Variants in ZNF474 observed in about 807,000 individuals in gnomAD.
ZNF474 encodes 4933409D10Rik.
For missense variants in ZNF474, 511 were observed against 433.8 expected (o/e 1.18, Z -1.58); for synonymous variants, 192 against 162.2 (o/e 1.18, Z -1.39).
At chr5:122,149,086 T>C (rs1170369479) in intron 1 of ZNF474, among the ~76,000 whole-genome samples, 1 of 152,124 alleles carries the variant, frequency 6.6e-6, no homozygotes, top group Non-Finnish European at 1.5e-5. Flanking sequence ...CGTTCTCACT[T>C]ATAAGTGGGA....
intron 1 of ZNF474, among the ~76,000 whole-genome samples, chr5:122,147,509 T>C (rs1415355074): frequency 6.6e-6 from 1 of 152,140 alleles, no homozygotes; most frequent in Non-Finnish European, 1.5e-5. Flanking sequence ...TTTCTCCTAA[T>C]GCTATCCCTC....
chr5:122,142,036 A>C (rs926619937), intron 1 of ZNF474, among the ~76,000 whole-genome samples: 1 of 152,160 alleles, frequency 6.6e-6, no homozygotes, highest in Non-Finnish European at 1.5e-5. Flanking sequence ...AGTGAGCTGG[A>C]ATTGTTGGCA....
At position 122,152,883 on chromosome 5, in the gene ZNF474, G is replaced by T. The variant is rs200743805; in HGVS notation, c.893G>T (p.Arg298Leu). 6.2e-7 allele frequency: 1 copy of T among 1,614,058 alleles called. No homozygotes were observed. Among genetic ancestry groups the T allele is most frequent in the African/African-American group, 1.3e-5 (1 of 75,026 alleles). The change falls in exon 2 of 2, where the codon CGC (arginine) becomes CTC (leucine). Residue 298 changes from arginine to leucine, a missense_variant. Coordinates refer to ENST00000296600, the MANE Select transcript of ZNF474 (RefSeq NM_207317.3). ...TGTAGCCGAATCTTTACCTCAGACCGCCTCCTGGTACACCAGAGAAGTTGT... is the reference window on the plus strand; with the variant it reads ...TGTAGCCGAATCTTTACCTCAGACCTCCTCCTGGTACACCAGAGAAGTTGT... ...PHCSRIFTSDRLLVHQRSCKT... is the reference protein window; with the variant it reads ...PHCSRIFTSDLLLVHQRSCKT...
intron 1 of ZNF474, among the ~76,000 whole-genome samples, chr5:122,149,764 C>T (rs1756114346): frequency 6.6e-6 from 1 of 152,108 alleles, no homozygotes; most frequent in African/African-American, 2.4e-5. Flanking sequence ...CCCTATCTGG[C>T]ATATAATTGG....
chr5:122,148,729 C>T (rs1478616559), intron 1 of ZNF474, among the ~76,000 whole-genome samples: 1 of 151,670 alleles, frequency 6.6e-6, no homozygotes, highest in African/African-American at 2.4e-5. Context: ...AAAAGTGATT[C>T]TTTTTTTTCT....
rs760238636 is a variant in ZNF474 at position 122,152,013 on chromosome 5, G to T, written c.23G>T (p.Arg8Ile). The change falls in exon 2 of 2, where the codon AGA becomes ATA. Residue 8 changes from arginine (R) to isoleucine (I), a missense_variant. Arg to Ile is a moderately conservative substitution (Grantham distance 97, BLOSUM62 -3). Transcript: ENST00000296600. ...TTAATGGAAAGAGGAAAGAAGAAAA[G>T]AATTTCCAATAAGTTACAACAAACT... MERGKKK[R>I]ISNKLQQTFH... 5 of 1,609,690 alleles carry T rather than the reference G, an allele frequency of 3.1e-6. No homozygotes were observed. Among genetic ancestry groups the T allele is most frequent in the Non-Finnish European group, 4.2e-6 (5 of 1,179,020 alleles).
chr5:122,141,093 ATTTTTTATTTTATTTTATTT>A (rs1755827208), intron 1 of ZNF474, among the ~76,000 whole-genome samples: 1 of 144,872 alleles, frequency 6.9e-6, no homozygotes, highest in Admixed American at 6.9e-5. Flanking sequence ...TTATTTTTTT[ATTTTTTATTTTATTTTATTT>A]TATTTTATTT....
At chr5:122,130,816 A>G (rs1755557687) in intron 1 of ZNF474, among the ~76,000 whole-genome samples, 1 of 152,218 alleles carries the variant, frequency 6.6e-6, no homozygotes, top group South Asian at 2.1e-4. Flanking sequence ...TGAAGTATTC[A>G]TCATATCACA....
intron 1 of ZNF474, among the ~76,000 whole-genome samples, chr5:122,142,283 A>G (rs1441881616): frequency 6.6e-6 from 1 of 152,234 alleles, no homozygotes; most frequent in African/African-American, 2.4e-5. Context: ...GATAGGACAC[A>G]TCAGCATCCA....
At chr5:122,133,891 T>C (rs1361744322) in intron 1 of ZNF474, among the ~76,000 whole-genome samples, 1 of 152,222 alleles carries the variant, frequency 6.6e-6, no homozygotes, top group Non-Finnish European at 1.5e-5. Flanking sequence ...ATCTTATCTA[T>C]TATTTCTAAG....
chr5:122,148,545 A>G (rs1756053502), intron 1 of ZNF474, among the ~76,000 whole-genome samples: 2 of 152,160 alleles, frequency 1.3e-5, no homozygotes, highest in African/African-American at 4.8e-5. Flanking sequence ...CCCTGTGCCC[A>G]TGATCAAGAC....
chr5:122,151,906 C>A lies in ZNF474; in HGVS notation c.-85C>A. ...ACGGTGTGAACCCCAGGACAACTAA[C>A]CTCACTAACCTTCACTCTAAGCAGA... On this transcript the variant is annotated 5_prime_UTR_variant, in exon 2 of 2. Coordinates refer to ENST00000296600, the MANE Select transcript of ZNF474 (RefSeq NM_207317.3). 1.3e-6 allele frequency: 2 copies of A among 1,501,580 alleles called. No homozygotes were observed. The highest frequency in any genetic ancestry group is 2.7e-5 in the South Asian group (2 of 73,578). 93.0% of individuals were successfully genotyped at this position (1,501,580 alleles called of 1,614,324 possible).
At chr5:122,145,877 T>C (rs1246035652) in intron 1 of ZNF474, among the ~76,000 whole-genome samples, 1 of 152,216 alleles carries the variant, frequency 6.6e-6, no homozygotes, top group Non-Finnish European at 1.5e-5. Context: ...GTTTGAATTA[T>C]TAAAATTTAG....
At chr5:122,136,785 G>T (rs981872457) in intron 1 of ZNF474, among the ~76,000 whole-genome samples, 4 of 152,102 alleles carry the variant, frequency 2.6e-5, no homozygotes, top group Admixed American at 2.6e-4. Context: ...TTTTCCAAAA[G>T]CCCCTTTATG....
chr5:122,150,932 C>T (rs542931418), intron 1 of ZNF474, among the ~76,000 whole-genome samples: 5 of 152,224 alleles, frequency 3.3e-5, no homozygotes, highest in African/African-American at 1.2e-4. Context: ...TGCAGATATC[C>T]CACCAGGATG....
chr5:122,153,244 T>C lies in ZNF474; in HGVS notation c.*159T>C. ...TGGCTGAATAGATATAAGAACATCC[T>C]TGCCTGATGGGTTCATATTCCTCTT... On this transcript the variant is annotated 3_prime_UTR_variant, in exon 2 of 2. Coordinates refer to ENST00000296600, the MANE Select transcript of ZNF474 (RefSeq NM_207317.3). The C allele has an allele frequency of 7.2e-6, 6 of 835,788 alleles. No individual in the cohort carries two copies. Among genetic ancestry groups the C allele is most frequent in the Non-Finnish European group, 1.1e-5 (6 of 553,162 alleles). 51.8% of individuals were successfully genotyped at this position (835,788 alleles called of 1,614,324 possible).
At position 122,151,863 on chromosome 5, in the gene ZNF474, G is replaced by C. The variant is rs148295873; in HGVS notation, c.-128G>C. On this transcript the variant is annotated 5_prime_UTR_variant, in exon 2 of 2. The change abolishes the stop of an existing upstream ORF in the 5' untranslated region. Coordinates refer to ENST00000296600, the MANE Select transcript of ZNF474 (RefSeq NM_207317.3). ...AATGAAGCTCTGAGTCACGGTCTGTGAGGCTAAGGTACTGGCAACGGTGTG... is the reference window on the plus strand; with the variant it reads ...AATGAAGCTCTGAGTCACGGTCTGTCAGGCTAAGGTACTGGCAACGGTGTG... The C allele has an allele frequency of 1.5e-5, 18 of 1,162,976 alleles. No individual in the cohort carries two copies. In the East Asian group the frequency reaches 4.1e-4, roughly 26 times the overall value. The allele number at this position is 1,162,976 out of a possible 1,614,324, so 72.0% of individuals were successfully genotyped here.
intron 1 of ZNF474, 39 bp from the exon 2 acceptor site, chr5:122,151,740 T>C (rs923143702): frequency 7.5e-6 from 3 of 398,646 alleles, no homozygotes; most frequent in African/African-American, 6.0e-5. Flanking sequence ...TGTGTGTGTT[T>C]ACATAATAAC....
In ZNF474 at chr5:122,152,426, G is replaced by T. The variant is rs762025156; in HGVS notation, c.436G>T (p.Gly146Trp). 3.1e-6 allele frequency: 5 copies of T among 1,614,188 alleles called. No individual in the cohort carries two copies. The highest frequency in any genetic ancestry group is 4.2e-6 in the Non-Finnish European group (5 of 1,180,030). ...CAAACCACAGTCTCTCAGCAGCAGT[G>T]GGTCCTACAGTCTTCAGGCAACTAA... ...PSKPQSLSSS[G>W]SYSLQATNEA... The change falls in exon 2 of 2, where the codon GGG (glycine) becomes TGG (tryptophan). Residue 146 changes from glycine (G) to tryptophan (W), a missense_variant. Transcript: ENST00000296600.
Sources: allele counts gnomAD v4.1 joint callset (sites outside exome capture counted in the v4.1 genomes callset), GRCh38; gene constraint gnomAD v4.1.1; transcripts MANE v1.5; gene names NCBI Gene and HGNC (gene_info 2026-07-23, HGNC 2026-07-21).